NCOA1: variants seen among roughly 807,000 people sequenced by gnomAD.
NCOA1 encodes Hin-2 protein.
NCOA1 carries 35 observed loss-of-function variants against 150.9 expected under a neutral mutation model. The observed-to-expected ratio is 0.23, with a 90% CI of 0.18 to 0.31. The LOEUF (loss-of-function observed/expected upper bound fraction) is 0.31, where lower values mean the gene tolerates loss of function less well. Among genes scored for constraint, NCOA1 ranks in the 10% least tolerant of loss-of-function variants. The probability of loss-of-function intolerance (pLI) is 1.00; values close to 1 mark genes in which losing one functional copy is unlikely to be tolerated. For synonymous variants in NCOA1, 590 were observed against 630.0 expected (o/e 0.94, Z 0.95); for missense variants, 1,491 against 1,749.3 (o/e 0.85, Z 2.63).
Position 24,707,875 on chromosome 2 carries a change from A to G in NCOA1, c.2405A>G (p.Glu802Gly), listed in dbSNP as rs1255487294. The part of the protein sequence containing the change: ...TKPTPEEIKL[E>G]AQSQFTADLD... ...CCCACTCCTGAGGAAATAAAACTGGAGGCCCAGAGCCAGGTGGGTAACTGC... is the reference window on the plus strand; with the variant it reads ...CCCACTCCTGAGGAAATAAAACTGGGGGCCCAGAGCCAGGTGGGTAACTGC... Residue 802 changes from glutamate to glycine, a missense_variant, in exon 13 of 23, where the codon GAG becomes GGG. Glu to Gly is a moderately conservative substitution (Grantham distance 98). Transcript: ENST00000348332. The G allele has an allele frequency of 1.9e-6, 3 of 1,590,224 alleles. No individual in the cohort carries two copies. The highest frequency in any genetic ancestry group is 2.6e-6 in the Non-Finnish European group (3 of 1,172,626).
rs755654053 is a variant in NCOA1 at position 24,705,183 on chromosome 2, T to C, written c.1047T>C (p.Pro349=). ...ACACCAAGTGTAAACTTTGCTACCC[T>C]CAAAGTCCAGACATGCAACCTTTCA... ...SAHTKCKLCY[P]QSPDMQPFIM... The change falls in exon 12 of 23, where the codon CCT becomes CCC. Residue 349 remains proline (P), a synonymous_variant. Transcript: ENST00000348332. The C allele has an allele frequency of 6.2e-7, 1 of 1,613,846 alleles. No homozygotes were observed. The highest frequency in any genetic ancestry group is 2.2e-5 in the East Asian group (1 of 44,874).
chr2:24,608,390 C>T (rs946851240), intron 3 of NCOA1, among the ~76,000 whole-genome samples: 3 of 151,102 alleles, frequency 2.0e-5, no homozygotes, highest in East Asian at 1.9e-4. Context: ...AAGCAATTCT[C>T]CTGCCTCAGC....
chr2:24,745,485 G>A (rs193256122), intron 19 of NCOA1, among the ~76,000 whole-genome samples: 8 of 152,222 alleles, frequency 5.3e-5, no homozygotes, highest in Admixed American at 2.0e-4. Context: ...TATTAAGGCA[G>A]TATTCAAAGT....
intron 4 of NCOA1, among the ~76,000 whole-genome samples, chr2:24,646,130 TTTC>T (rs1572536811): frequency 6.6e-6 from 1 of 152,180 alleles, no homozygotes; most frequent in East Asian, 1.9e-4. Flanking sequence ...ATCTTTTCTA[TTTC>T]TTCTTAACAT....
chr2:24,626,370 G>A (rs1292614447), intron 3 of NCOA1, among the ~76,000 whole-genome samples: 1 of 152,180 alleles, frequency 6.6e-6, no homozygotes, highest in African/African-American at 2.4e-5. Flanking sequence ...AAGTGCTTCA[G>A]ACTTGGATTG....
intron 17 of NCOA1, among the ~76,000 whole-genome samples, chr2:24,731,947 C>T (rs1307982594): frequency 6.6e-5 from 10 of 152,108 alleles, no homozygotes; most frequent in African/African-American, 9.7e-5. Context: ...AGTTAAGTGA[C>T]GCTGCAAGCA....
chr2:24,768,184 C>T (rs1665161269), intron 22 of NCOA1, 37 bp from the exon 23 acceptor site: 3 of 1,613,228 alleles, frequency 1.9e-6, no homozygotes, highest in Non-Finnish European at 2.5e-6. Context: ...GGGGGGCAGA[C>T]CCTTCTGTCT....
intron 20 of NCOA1, among the ~76,000 whole-genome samples, chr2:24,755,683 G>C (rs1664463095): frequency 6.6e-6 from 1 of 152,200 alleles, no homozygotes; most frequent in Non-Finnish European, 1.5e-5. Context: ...GAAGAGCTTG[G>C]TCTCCTTCCC....
chr2:24,759,412 G>A (rs1417302408), intron 21 of NCOA1, among the ~76,000 whole-genome samples: 1 of 152,172 alleles, frequency 6.6e-6, no homozygotes, highest in Non-Finnish European at 1.5e-5. Flanking sequence ...ATGTTAAGGG[G>A]ATATTTATAT....
intron 2 of NCOA1, 109 bp from the exon 3 acceptor site, chr2:24,584,367 A>C (rs1007238667): frequency 1.3e-5 from 2 of 152,150 alleles, no homozygotes; most frequent in African/African-American, 4.8e-5. Context: ...TAAATATATT[A>C]AGTTTATTTA....
intron 1 of NCOA1, among the ~76,000 whole-genome samples, chr2:24,516,959 T>C (rs369034491): frequency 7.0e-4 from 21 of 30,184 alleles, no homozygotes; most frequent in Admixed American, 3.6e-3. Flanking sequence ...TATACAAGTA[T>C]ATATACGTAT....
At chr2:24,654,994 T>G (rs1041685372) in intron 4 of NCOA1, among the ~76,000 whole-genome samples, 1 of 152,162 alleles carries the variant, frequency 6.6e-6, no homozygotes, top group Non-Finnish European at 1.5e-5. Flanking sequence ...TAAGCCTCTG[T>G]TTTTGCTTTA....
intron 5 of NCOA1, 88 bp downstream of exon 5, chr2:24,658,854 G>A: frequency 8.5e-7 from 1 of 1,178,524 alleles, no homozygotes; most frequent in Non-Finnish European, 1.2e-6. Flanking sequence ...TCTACTCCAA[G>A]TTCAGTGGCT....
chr2:24,762,816 C>T (rs536671807), intron 22 of NCOA1, 40 bp downstream of exon 22: 2 of 1,534,386 alleles, frequency 1.3e-6, no homozygotes, highest in South Asian at 2.2e-5. Context: ...GTCAAATGTA[C>T]TCTAGATGCA....
intron 3 of NCOA1, among the ~76,000 whole-genome samples, chr2:24,642,224 T>C (rs1670263584): frequency 1.3e-5 from 2 of 151,872 alleles, no homozygotes; most frequent in Admixed American, 6.6e-5. Flanking sequence ...GAATTTGCTA[T>C]TGAAGGATCT....
At chr2:24,589,688 C>T (rs992856044) in intron 3 of NCOA1, among the ~76,000 whole-genome samples, 6 of 150,138 alleles carry the variant, frequency 4.0e-5, no homozygotes, top group East Asian at 1.9e-4. Flanking sequence ...TGTGTTTGTG[C>T]GCACACGCGC....
intron 2 of NCOA1, among the ~76,000 whole-genome samples, chr2:24,578,442 G>A (rs1353443486): frequency 6.6e-6 from 1 of 152,002 alleles, no homozygotes; most frequent in African/African-American, 2.4e-5. Context: ...AAACTAAAAA[G>A]AAAAATAACA....
intron 1 of NCOA1, among the ~76,000 whole-genome samples, chr2:24,540,142 A>C (rs1572397958): frequency 6.6e-6 from 1 of 152,322 alleles, no homozygotes; most frequent in East Asian, 1.9e-4. Flanking sequence ...ACAGAATCCC[A>C]AGTACAAAGA....
At chr2:24,650,522 A>G (rs1670665271) in intron 4 of NCOA1, among the ~76,000 whole-genome samples, 1 of 152,172 alleles carries the variant, frequency 6.6e-6, no homozygotes, top group South Asian at 2.1e-4. Context: ...TAAGTCATAT[A>G]TCTGATAGGG....
Sources: allele counts gnomAD v4.1 joint callset (sites outside exome capture counted in the v4.1 genomes callset), GRCh38; gene constraint gnomAD v4.1.1; transcripts MANE v1.5; gene names NCBI Gene and HGNC (gene_info 2026-07-23, HGNC 2026-07-21).